Variants in ZRANB3 observed in about 807,000 individuals in gnomAD.
ZRANB3 encodes the protein DNA annealing helicase and endonuclease ZRANB3.
A neutral mutation model predicts 133.8 loss-of-function variants in ZRANB3; 125 were observed. The ratio of observed to expected loss-of-function variants is 0.93; its 90% CI spans 0.81 to 1.08. The LOEUF is 1.08. ZRANB3 is among the 50% of genes least tolerant of loss of function. The probability of loss-of-function intolerance (pLI) is 0.00; values close to 1 mark genes in which losing one functional copy is unlikely to be tolerated. For synonymous variants in ZRANB3, 387 were observed against 432.7 expected (o/e 0.89, Z 1.31); for missense variants, 1,229 against 1,275.5 (o/e 0.96, Z 0.56).
intron 12 of ZRANB3, among the ~76,000 whole-genome samples, chr2:135,264,580 G>T (rs562742979): frequency 1.3e-5 from 2 of 152,002 alleles, no homozygotes; most frequent in South Asian, 2.1e-4. Flanking sequence ...TTTTGGGAAC[G>T]GGGGGTCACA....
chr2:135,352,700 C>T (rs1020193218), intron 4 of ZRANB3, among the ~76,000 whole-genome samples: 2 of 152,036 alleles, frequency 1.3e-5, no homozygotes, highest in Non-Finnish European at 2.9e-5. Flanking sequence ...CAATACAGTA[C>T]AATAATACCA....
intron 2 of ZRANB3, among the ~76,000 whole-genome samples, chr2:135,499,123 C>T (rs574447611): frequency 2.0e-5 from 3 of 152,066 alleles, no homozygotes; most frequent in Non-Finnish European, 4.4e-5. Flanking sequence ...CATCACAGAA[C>T]CTGGCAACAT....
intron 8 of ZRANB3, among the ~76,000 whole-genome samples, chr2:135,283,497 C>G (rs1310350146): frequency 6.6e-6 from 1 of 151,312 alleles, no homozygotes; most frequent in African/African-American, 2.4e-5. Flanking sequence ...GTAGTCCCAG[C>G]TAGTTGGGAG....
intron 3 of ZRANB3, among the ~76,000 whole-genome samples, chr2:135,367,900 A>C (rs1686008546): frequency 6.6e-6 from 1 of 152,166 alleles, no homozygotes; most frequent in African/African-American, 2.4e-5. Flanking sequence ...GTTATTCAAT[A>C]ATGTTTATTA....
At chr2:135,413,290 CCT>C (rs1222998893) in intron 2 of ZRANB3, among the ~76,000 whole-genome samples, 1 of 152,042 alleles carries the variant, frequency 6.6e-6, no homozygotes, top group African/African-American at 2.4e-5. Flanking sequence ...TAGATCTATC[CCT>C]CTCTTACGTG....
intron 1 of ZRANB3, among the ~76,000 whole-genome samples, chr2:135,509,433 A>G (rs1352288982): frequency 1.3e-5 from 2 of 152,200 alleles, no homozygotes; most frequent in African/African-American, 4.8e-5. Flanking sequence ...AATTCCCCAC[A>G]TGAAGTATAA....
At chr2:135,247,717 A>G (rs1325011581) in intron 12 of ZRANB3, among the ~76,000 whole-genome samples, 1 of 152,130 alleles carries the variant, frequency 6.6e-6, no homozygotes, top group Non-Finnish European at 1.5e-5. Context: ...CACCTCTAAA[A>G]TTCCAATCAG....
Position 135,291,744 on chromosome 2 carries a change from C to G in ZRANB3, c.967-15989G>C, listed in dbSNP as rs563826029. 9.2e-4 allele frequency among the ~76,000 whole-genome samples: 140 copies of G among 152,010 alleles called. 1 individual carries two copies. The highest frequency in any genetic ancestry group is 6.8e-3 in the Middle Eastern group (2 of 294). On this transcript the variant is annotated intron_variant, in intron 8 of 20. Transcript: ENST00000264159. ...GTATCTCCTAATGCTATCCCTCCCC[C>G]CTTCCCCCACCCCACAACAGGCCCC... is the stretch of plus-strand genomic sequence containing the variant.
At chr2:135,412,848 G>A (rs1398347340) in intron 2 of ZRANB3, among the ~76,000 whole-genome samples, 1 of 152,046 alleles carries the variant, frequency 6.6e-6, no homozygotes, top group Non-Finnish European at 1.5e-5. Context: ...TCAAGCATTA[G>A]ACACTAGTTT....
chr2:135,502,859 C>A (rs1693008372), intron 2 of ZRANB3, among the ~76,000 whole-genome samples: 1 of 152,178 alleles, frequency 6.6e-6, no homozygotes, highest in South Asian at 2.1e-4. Context: ...AGGTGAAAAA[C>A]ACCAGATATA....
Position 135,220,858 on chromosome 2 carries a change from AT to A in ZRANB3, c.2251-1681del, listed in dbSNP as rs1188098230. On this transcript the variant is annotated intron_variant, in intron 15 of 20. Transcript: ENST00000264159. ...CTTTTAGGCAGTGAACTAGGAATTT[AT>A]TTTTTTTTTTTTTTTGAGACAGAGT... Among the ~76,000 whole-genome samples the A allele has an allele frequency of 1.9e-3, 273 of 140,610 alleles. 1 individual carries two copies. Among genetic ancestry groups the A allele is most frequent in the Middle Eastern group, 3.7e-3 (1 of 268 alleles). The allele number at this position is 140,610 out of a possible 152,430, so 92.2% of individuals were successfully genotyped here.
intron 2 of ZRANB3, among the ~76,000 whole-genome samples, chr2:135,395,651 T>G (rs1687457477): frequency 6.6e-6 from 1 of 151,618 alleles, no homozygotes; most frequent in Non-Finnish European, 1.5e-5. Flanking sequence ...TGAGACGGGG[T>G]TTCACCATTT....
chr2:135,259,872 G>A (rs1186864797), intron 12 of ZRANB3, among the ~76,000 whole-genome samples: 2 of 151,920 alleles, frequency 1.3e-5, no homozygotes, highest in Admixed American at 6.6e-5. Flanking sequence ...GGGCTTAGAC[G>A]CCATCTAGTA....
intron 3 of ZRANB3, 144 bp downstream of exon 3, chr2:135,390,658 T>A: frequency 1.0e-5 from 10 of 997,276 alleles, no homozygotes; most frequent in Non-Finnish European, 1.3e-5. Flanking sequence ...TCCCCCTCCC[T>A]CCTCACCCTC....
intron 3 of ZRANB3, among the ~76,000 whole-genome samples, chr2:135,386,770 C>G (rs964059422): frequency 7.2e-5 from 11 of 152,120 alleles, no homozygotes; most frequent in South Asian, 6.2e-4. Flanking sequence ...CATGTTCTCA[C>G]TCTTAGGTGG....
chr2:135,468,834 G>A (rs1295652923), intron 2 of ZRANB3, among the ~76,000 whole-genome samples: 1 of 152,114 alleles, frequency 6.6e-6, no homozygotes, highest in Non-Finnish European at 1.5e-5. Flanking sequence ...TGATTCAGTG[G>A]AGAGAACTAA....
chr2:135,380,387 T>C (rs1215613611), intron 3 of ZRANB3, among the ~76,000 whole-genome samples: 3 of 152,198 alleles, frequency 2.0e-5, no homozygotes, highest in African/African-American at 7.2e-5. Context: ...ATCGCACTTA[T>C]TCTAAAATTG....
chr2:135,371,440 A>G (rs1380020959), intron 3 of ZRANB3, among the ~76,000 whole-genome samples: 1 of 152,142 alleles, frequency 6.6e-6, no homozygotes, highest in East Asian at 1.9e-4. Flanking sequence ...GTCTGTATCT[A>G]TCTGGGTATG....
rs772410385 is a variant in ZRANB3, at chr2:135,217,453, G to T, written c.2495+12C>A. On this transcript the variant is annotated intron_variant, in intron 17 of 20. Coordinates refer to ENST00000264159, the MANE Select transcript of ZRANB3 (RefSeq NM_032143.4). ...TAATATAATACAAAATTTAAAAAAA[G>T]ACAACTCATACCTTTTGGTGCAATT... 1 of 1,587,598 alleles carries T rather than the reference G, an allele frequency of 6.3e-7. No individual in the cohort carries two copies. The highest frequency in any genetic ancestry group is 1.2e-5 in the South Asian group (1 of 85,052).
Sources: allele counts gnomAD v4.1 joint callset (sites outside exome capture counted in the v4.1 genomes callset), GRCh38; gene constraint gnomAD v4.1.1; transcripts MANE v1.5; gene names NCBI Gene and HGNC (gene_info 2026-07-23, HGNC 2026-07-21).